The following PPP1R3A variants were observed in gnomAD, a reference collection of about 807,000 sequenced individuals.
PPP1R3A encodes the protein RG1.
A neutral mutation model predicts 41.7 loss-of-function variants in PPP1R3A; 29 were observed. The observed-to-expected ratio is 0.70, with a 90% CI of 0.52 to 0.95. The LOEUF (loss-of-function observed/expected upper bound fraction) is 0.95, where lower values mean the gene tolerates loss of function less well. PPP1R3A is among the 40% of genes least tolerant of loss of function. PPP1R3A has a pLI of 0.00. For synonymous variants in PPP1R3A, 485 were observed against 453.4 expected (o/e 1.07, Z -0.89); for missense variants, 1,352 against 1,292.4 (o/e 1.05, Z -0.71).
chr7:113,877,879 A>G lies in PPP1R3A; in HGVS notation c.3213T>C (p.Tyr1071=). The change falls in exon 4 of 4, where the codon TAT becomes TAC. Residue 1071 remains tyrosine (Y), a synonymous_variant. Transcript: ENST00000284601. Reference sequence around the variant, plus strand: ...GGAAATAAGGTATTTTAGAGTTGGTATATTTTGAAAACAAAGATTCGTTGC... The same window carrying G: ...GGAAATAAGGTATTTTAGAGTTGGTGTATTTTGAAAACAAAGATTCGTTGC... ...AQGNESLFSK[Y]TNSKIPYFLL... is the part of the protein sequence containing the mutation. The G allele has an allele frequency of 6.2e-7, 1 of 1,611,678 alleles. No homozygotes were observed.
At position 113,879,874 on chromosome 7, in the gene PPP1R3A, C is replaced by G. The variant is rs781725979; in HGVS notation, c.1218G>C (p.Glu406Asp). 1 of 1,613,468 alleles carries G rather than the reference C, an allele frequency of 6.2e-7. No individual in the cohort carries two copies. Among genetic ancestry groups the G allele is most frequent in the Non-Finnish European group, 8.5e-7 (1 of 1,179,726 alleles). Residue 406 changes from glutamate (E) to aspartate (D), a missense_variant, in exon 4 of 4, where the codon GAG becomes GAC. Coordinates refer to ENST00000284601, the MANE Select transcript of PPP1R3A (RefSeq NM_002711.4). ...SGDDCTHQPSEETTSNMGEIK... is the reference protein window; with the variant it reads ...SGDDCTHQPSDETTSNMGEIK... The stretch of plus-strand genomic sequence containing the variant: ...TTTCTCCCATATTTGAAGTAGTTTC[C>G]TCTGAAGGTTGATGTGTACAGTCAT...
chr7:113,881,917 T>C (rs1466554247), intron 3 of PPP1R3A, 122 bp downstream of exon 3: 17 of 1,121,864 alleles, frequency 1.5e-5, no homozygotes, highest in Non-Finnish European at 2.1e-5. Context: ...AAGGACAGAA[T>C]AGGCTGTGCT....
intron 1 of PPP1R3A, among the ~76,000 whole-genome samples, chr7:113,888,450 G>C (rs543714878): frequency 1.3e-5 from 2 of 152,280 alleles, no homozygotes; most frequent in South Asian, 4.1e-4. Flanking sequence ...GCATCAATAT[G>C]CTGTACATAG....
At position 113,877,737 on chromosome 7, in the gene PPP1R3A, CA is replaced by C; in HGVS notation, c.3354del (p.Val1119SerfsTer13). The C allele has an allele frequency of 6.4e-7, 1 of 1,550,444 alleles. No individual in the cohort carries two copies. The highest frequency in any genetic ancestry group is 1.3e-5 in the South Asian group (1 of 78,262). ...TAGTGCTGAGGTTACTTCTTTTTGA[CA>C]GACTCTTTTTGTCTACCCTCTTCCC... ...LSWEEGRQKE[S>X]VKKK On this transcript the variant is annotated frameshift_variant, in exon 4 of 4. Transcript: ENST00000284601. LOFTEE classifies it high-confidence loss of function.
chr7:113,918,148 A>C, intron 1 of PPP1R3A, 67 bp downstream of exon 1: 1 of 1,418,994 alleles, frequency 7.0e-7, no homozygotes, highest in South Asian at 1.4e-5. Context: ...CTTACAACAC[A>C]TGAAATAAAG....
intron 1 of PPP1R3A, among the ~76,000 whole-genome samples, chr7:113,896,293 C>A (rs188056752): frequency 1.2e-4 from 18 of 151,964 alleles, no homozygotes; most frequent in African/African-American, 4.1e-4. Context: ...ATAAAAGAGC[C>A]TATACTGTTA....
Position 113,918,488 on chromosome 7 carries a change from T to C in PPP1R3A, c.509A>G (p.Tyr170Cys). ...AGGAACATATTCTGCTAAAATGTCA[T>C]AATGTGTCTGCCAGTCATCTAAAGA... The part of the protein sequence containing the change: ...RMSLDDWQTH[Y>C]DILAEYVPNS... The change falls in exon 1 of 4, where the codon TAT becomes TGT. Residue 170 changes from tyrosine to cysteine, a missense_variant. Transcript: ENST00000284601. 1.9e-6 allele frequency: 3 copies of C among 1,613,242 alleles called. No homozygotes were observed. The highest frequency in any genetic ancestry group is 2.5e-6 in the Non-Finnish European group (3 of 1,179,672).
At chr7:113,885,415 C>A (rs144522500) in intron 1 of PPP1R3A, among the ~76,000 whole-genome samples, 3 of 152,004 alleles carry the variant, frequency 2.0e-5, no homozygotes, top group South Asian at 2.1e-4. Flanking sequence ...ACAATTTGAC[C>A]GACATTATCT....
At position 113,877,926 on chromosome 7, in the gene PPP1R3A, C is replaced by A. The variant is rs1316245388; in HGVS notation, c.3166G>T (p.Val1056Phe). 2 of 1,613,368 alleles carry A rather than the reference C, an allele frequency of 1.2e-6. No homozygotes were observed. The highest frequency in any genetic ancestry group is 1.7e-4 in the Middle Eastern group (1 of 6,056). Residue 1056 changes from valine to phenylalanine, a missense_variant, in exon 4 of 4, where the codon GTT (valine) becomes TTT (phenylalanine). By Grantham distance (50) the Val-to-Phe change is conservative (BLOSUM62 -1). Coordinates refer to ENST00000284601, the MANE Select transcript of PPP1R3A (RefSeq NM_002711.4). ...TTGCCTTGAGCTTGACTTTCCTCAA[C>A]AGGAAGACTAGTAGAAGCAGAGCTG... ...SDSSASTSLP[V>F]EESQAQGNES...
At chr7:113,912,805 T>A (rs1040477440) in intron 1 of PPP1R3A, among the ~76,000 whole-genome samples, 2 of 152,032 alleles carry the variant, frequency 1.3e-5, no homozygotes, top group African/African-American at 4.8e-5. Flanking sequence ...TGGGGAGGGA[T>A]AGGCTCTCAG....
intron 1 of PPP1R3A, among the ~76,000 whole-genome samples, chr7:113,904,181 A>AG (rs1797108407): frequency 6.6e-6 from 1 of 151,730 alleles, no homozygotes; most frequent in African/African-American, 2.4e-5. Context: ...TATGTAAAAT[A>AG]GGGACTGTAA....
chr7:113,910,710 C>T (rs1198882864), intron 1 of PPP1R3A, among the ~76,000 whole-genome samples: 2 of 152,058 alleles, frequency 1.3e-5, no homozygotes, highest in African/African-American at 4.8e-5. Flanking sequence ...TGTGTTAACA[C>T]ATCCACAGTA....
At chr7:113,909,063 G>T (rs1477960669) in intron 1 of PPP1R3A, among the ~76,000 whole-genome samples, 1 of 151,856 alleles carries the variant, frequency 6.6e-6, no homozygotes, top group Non-Finnish European at 1.5e-5. Context: ...ATGAGGAATG[G>T]AAGTCCAAAC....
At chr7:113,909,434 T>C (rs934261394) in intron 1 of PPP1R3A, among the ~76,000 whole-genome samples, 1 of 151,994 alleles carries the variant, frequency 6.6e-6, no homozygotes, top group East Asian at 1.9e-4. Flanking sequence ...ACTGTAATAA[T>C]AGTACCTCCA....
At chr7:113,880,650 T>A (rs1258532687) in intron 3 of PPP1R3A, among the ~76,000 whole-genome samples, 1 of 151,814 alleles carries the variant, frequency 6.6e-6, no homozygotes, top group East Asian at 1.9e-4. Flanking sequence ...TGCCAACTGG[T>A]ACTCAAATGT....
chr7:113,915,721 A>G (rs1797331785), intron 1 of PPP1R3A, among the ~76,000 whole-genome samples: 1 of 151,658 alleles, frequency 6.6e-6, no homozygotes, highest in Admixed American at 6.6e-5. Flanking sequence ...TGACCCATTT[A>G]GATTCTGTAA....
intron 1 of PPP1R3A, among the ~76,000 whole-genome samples, chr7:113,888,222 T>G (rs4376445): frequency 0.99 from 150,810 of 152,136 alleles, 74,764 homozygotes; most frequent in East Asian, 1. Context: ...TGGCATGGGG[T>G]TTAGGGCTAA....
In PPP1R3A at chr7:113,879,609, C is replaced by A; in HGVS notation, c.1483G>T (p.Ala495Ser). 6.2e-7 allele frequency: 1 copy of A among 1,613,270 alleles called. No homozygotes were observed. The highest frequency in any genetic ancestry group is 8.5e-7 in the Non-Finnish European group (1 of 1,179,644). The change falls in exon 4 of 4, where the codon GCA (alanine) becomes TCA (serine). Residue 495 changes from alanine to serine, a missense_variant. By Grantham distance (99) the Ala-to-Ser change is moderately conservative. Coordinates refer to ENST00000284601, the MANE Select transcript of PPP1R3A (RefSeq NM_002711.4). ...LRRDFHSDTS[A>S]CLKESTEEGS... ...TCTTCTGTTGATTCTTTGAGACATG[C>A]CGACGTATCTGAATGGAAATCTCTT...
chr7:113,877,519 T>G lies in PPP1R3A; in HGVS notation c.*204A>C. ...TGACGTGCTTCAGATCTCATATTCA[T>G]ATAGGTATTTAATGATCCAAACATA... On this transcript the variant is annotated 3_prime_UTR_variant, in exon 4 of 4. Coordinates refer to ENST00000284601, the MANE Select transcript of PPP1R3A (RefSeq NM_002711.4). 4.2e-6 allele frequency: 2 copies of G among 481,760 alleles called. No homozygotes were observed. The highest frequency in any genetic ancestry group is 7.0e-6 in the Non-Finnish European group (2 of 284,182). The allele number at this position is 481,760 out of a possible 1,614,324, so 29.8% of individuals were successfully genotyped here.
Sources: gnomAD v4.1 joint callset for allele counts (sites outside exome capture counted in the v4.1 genomes callset) on GRCh38, gnomAD v4.1.1 for gene constraint, MANE v1.5 for transcripts, NCBI Gene and HGNC (gene_info 2026-07-23, HGNC 2026-07-21) for gene names.